Variants in TP53BP2 observed in about 807,000 individuals in gnomAD.
TP53BP2 encodes the protein apoptosis-stimulating of p53 protein 2.
A neutral mutation model predicts 126.2 loss-of-function variants in TP53BP2; 62 were observed. That is an observed-to-expected ratio of 0.49 (90% CI 0.40 to 0.61). The LOEUF (loss-of-function observed/expected upper bound fraction) is 0.61, where lower values mean the gene tolerates loss of function less well. TP53BP2 is among the 20% of genes least tolerant of loss of function. The pLI, the probability that TP53BP2 is intolerant of heterozygous loss-of-function variation, is 0.00. For synonymous variants in TP53BP2, 485 were observed against 502.9 expected, an observed-to-expected ratio of 0.96 and a Z score of 0.48; for missense variants, 1,215 against 1,402.8, an observed-to-expected ratio of 0.87 and a Z score of 2.14.
intron 2 of TP53BP2, among the ~76,000 whole-genome samples, chr1:223,817,956 A>T (rs1558102949): frequency 6.6e-6 from 1 of 151,862 alleles, no homozygotes; most frequent in Non-Finnish European, 1.5e-5. Context: ...ACAGATTTAC[A>T]CATACTAATC....
rs1287261649 is a variant in TP53BP2, at chr1:223,780,597, C to T, written c.*256G>A. Reference sequence around the variant, plus strand: ...TAGAAAACAGGATTGTCGCTGTATACTTATCTGAGTGCTACACGGGACACC... The same window carrying T: ...TAGAAAACAGGATTGTCGCTGTATATTTATCTGAGTGCTACACGGGACACC... On this transcript the variant is annotated 3_prime_UTR_variant, in exon 18 of 18. Coordinates refer to ENST00000343537, the MANE Select transcript of TP53BP2 (RefSeq NM_001031685.3). The T allele has an allele frequency of 1.5e-5, 7 of 451,670 alleles. No homozygotes were observed. The highest frequency in any genetic ancestry group is 2.8e-5 in the Non-Finnish European group (7 of 253,080). The allele number at this position is 451,670 out of a possible 1,614,324, so 28.0% of individuals were successfully genotyped here.
rs74634345 is a variant in TP53BP2, at chr1:223,780,549, C to G, written c.*304G>C. 1,173 of 274,964 alleles carry G rather than the reference C, an allele frequency of 4.3e-3. 24 individuals carry two copies. Among genetic ancestry groups the G allele is most frequent in the African/African-American group, 0.024 (1,096 of 45,204 alleles). The allele number at this position is 274,964 out of a possible 1,614,324, so 17.0% of individuals were successfully genotyped here. A position where few individuals can be genotyped will look rare whatever the true frequency, so the allele number is the denominator to read the frequency against. On this transcript the variant is annotated 3_prime_UTR_variant, in exon 18 of 18. Coordinates refer to ENST00000343537, the MANE Select transcript of TP53BP2 (RefSeq NM_001031685.3). ...TTTCCCAACTGCCCAATAAATGATC[C>G]TATTTACTAGACAGGATTCTTGTAG...
chr1:223,817,830 G>A (rs532999160), intron 2 of TP53BP2, among the ~76,000 whole-genome samples: 4 of 151,840 alleles, frequency 2.6e-5, no homozygotes, highest in African/African-American at 9.7e-5. Flanking sequence ...GGGGGCTGAG[G>A]CAGCAGAATC....
Position 223,780,580 on chromosome 1 carries a change from A to G in TP53BP2, c.*273T>C, listed in dbSNP as rs1661734717. The stretch of plus-strand genomic sequence containing the variant: ...ACTAGACAGGATTCTTGTAGAAAAC[A>G]GGATTGTCGCTGTATACTTATCTGA... On this transcript the variant is annotated 3_prime_UTR_variant, in exon 18 of 18. Coordinates refer to ENST00000343537, the MANE Select transcript of TP53BP2 (RefSeq NM_001031685.3). The G allele has an allele frequency of 5.5e-6, 2 of 364,628 alleles. No homozygotes were observed. The highest frequency in any genetic ancestry group is 8.8e-5 in the Admixed American group (2 of 22,648). The allele number at this position is 364,628 out of a possible 1,614,324, so 22.6% of individuals were successfully genotyped here. A position where few individuals can be genotyped will look rare whatever the true frequency, so the allele number is the denominator to read the frequency against.
chr1:223,800,303 T>C (rs1177092836), intron 10 of TP53BP2, among the ~76,000 whole-genome samples: 1 of 152,146 alleles, frequency 6.6e-6, no homozygotes, highest in African/African-American at 2.4e-5. Flanking sequence ...AAATGATTTA[T>C]CAGGCGGGTG....
At chr1:223,798,135 T>C (rs1662396508) in intron 12 of TP53BP2, 80 bp downstream of exon 12, 3 of 1,357,162 alleles carry the variant, frequency 2.2e-6, no homozygotes, top group Non-Finnish European at 3.0e-6. Flanking sequence ...AGGGATTAGT[T>C]ATTTTGCTGT....
At chr1:223,787,059 C>T (rs1352160331) in intron 16 of TP53BP2, among the ~76,000 whole-genome samples, 2 of 151,938 alleles carry the variant, frequency 1.3e-5, no homozygotes, top group African/African-American at 4.8e-5. Context: ...CCACAGCTGG[C>T]TAATTTTTGT....
In TP53BP2 at chr1:223,796,373, A is replaced by G; in HGVS notation, c.2166T>C (p.Ala722=). 6.2e-7 allele frequency: 1 copy of G among 1,614,224 alleles called. No individual in the cohort carries two copies. Among genetic ancestry groups the G allele is most frequent in the Non-Finnish European group, 8.5e-7 (1 of 1,180,026 alleles). Residue 722 remains alanine (A), a synonymous_variant, in exon 13 of 18, where the codon GCT becomes GCC. Coordinates refer to ENST00000343537, the MANE Select transcript of TP53BP2 (RefSeq NM_001031685.3). The surrounding 1 kb of genome is among the most constrained non-coding windows in gnomAD (Gnocchi z 4.2). The part of the protein sequence containing the change: ...LSNPYRNQSD[A]DLEALRKKLS... ...GTTTCTTTCGTAAGGCTTCTAGGTCAGCATCACTCTGGTTTCGGTAAGGAT... is the reference window on the plus strand; with the variant it reads ...GTTTCTTTCGTAAGGCTTCTAGGTCGGCATCACTCTGGTTTCGGTAAGGAT...
intron 9 of TP53BP2, among the ~76,000 whole-genome samples, chr1:223,801,466 G>A (rs1662525521): frequency 6.6e-6 from 1 of 152,030 alleles, no homozygotes; most frequent in Non-Finnish European, 1.5e-5. Flanking sequence ...TTCTGTCCAG[G>A]GGTCTGAATG....
chr1:223,821,273 C>T lies in TP53BP2; in HGVS notation c.122G>A (p.Cys41Tyr), dbSNP rs768807393. The change falls in exon 2 of 18, where the codon TGC (cysteine) becomes TAC (tyrosine). Residue 41 changes from cysteine to tyrosine, a missense_variant. Physicochemically the swap from Cys to Tyr is radical, Grantham distance 194 (BLOSUM62 -2). Transcript: ENST00000343537. The part of the protein sequence containing the change: ...ETICRDVVDL[C>Y]KEPGESDCHL... ...GCAATCACTCTCGCCGGGTTCTTTG[C>T]ACAGATCCACCACGTCTCTGCATAT... 3 of 1,614,070 alleles carry T rather than the reference C, an allele frequency of 1.9e-6. No homozygotes were observed. In the South Asian group the frequency reaches 3.3e-5, roughly 18 times the overall value.
chr1:223,794,356 A>G (rs1216200124), intron 13 of TP53BP2, among the ~76,000 whole-genome samples: 2 of 152,238 alleles, frequency 1.3e-5, no homozygotes, highest in African/African-American at 4.8e-5. Flanking sequence ...CACAATGTGC[A>G]ATGACTAAAA....
rs577516805 is a variant in TP53BP2, at chr1:223,825,679, CTA to C, written c.28-4314_28-4313del. Among the ~76,000 whole-genome samples, 31 of 152,286 alleles carry C rather than the reference CTA, an allele frequency of 2.0e-4. No homozygotes were observed. The East Asian group carries it at 6.0e-3, about 29-fold the overall frequency. The stretch of plus-strand genomic sequence containing the variant: ...TCATTCAGTATTTACAGATCATCTG[CTA>C]TATGTCTCTGTTCTAATGTAAAAAT... On this transcript the variant is annotated intron_variant, in intron 1 of 17. Coordinates refer to ENST00000343537, the MANE Select transcript of TP53BP2 (RefSeq NM_001031685.3).
At chr1:223,839,300 C>A (rs1374434496) in intron 1 of TP53BP2, among the ~76,000 whole-genome samples, 2 of 152,156 alleles carry the variant, frequency 1.3e-5, no homozygotes, top group Non-Finnish European at 2.9e-5. Context: ...AGATCAACTT[C>A]AGAGTGTAAT....
chr1:223,842,059 C>G (rs1304397742), intron 1 of TP53BP2, among the ~76,000 whole-genome samples: 2 of 152,042 alleles, frequency 1.3e-5, no homozygotes, highest in African/African-American at 2.4e-5. Flanking sequence ...CCTGCCTCAG[C>G]CTCCTGAGTA....
chr1:223,837,329 C>G (rs974517394), intron 1 of TP53BP2, among the ~76,000 whole-genome samples: 1 of 152,060 alleles, frequency 6.6e-6, no homozygotes, highest in Non-Finnish European at 1.5e-5. Flanking sequence ...TGACAGAAGG[C>G]TTTTTCTCAA....
intron 1 of TP53BP2, among the ~76,000 whole-genome samples, chr1:223,829,690 G>C (rs1238215358): frequency 6.7e-6 from 1 of 149,756 alleles, no homozygotes; most frequent in Non-Finnish European, 1.5e-5. Context: ...GCCAACTTTT[G>C]AGGTAAATTG....
chr1:223,788,906 C>T, intron 16 of TP53BP2, 102 bp downstream of exon 16: 1 of 1,271,068 alleles, frequency 7.9e-7, no homozygotes, highest in East Asian at 2.4e-5. Flanking sequence ...CTATGGATAA[C>T]ACAAGATTTT....
intron 2 of TP53BP2, among the ~76,000 whole-genome samples, chr1:223,819,969 A>G (rs775360122): frequency 2.2e-4 from 34 of 152,342 alleles, no homozygotes; most frequent in Middle Eastern, 3.4e-3. Flanking sequence ...GCAATAAACT[A>G]ATAAACACAC....
chr1:223,816,796 T>TGTGG (rs1275339308), intron 2 of TP53BP2, among the ~76,000 whole-genome samples: 1 of 151,902 alleles, frequency 6.6e-6, no homozygotes, highest in African/African-American at 2.4e-5. Context: ...ATAGTAACCT[T>TGTGG]TTTACTACCT....
Sources: gnomAD v4.1 joint callset for allele counts (sites outside exome capture counted in the v4.1 genomes callset) on GRCh38, gnomAD v4.1.1 for gene constraint, Gnocchi (gnomAD v3.1) non-coding constraint, MANE v1.5 for transcripts, NCBI Gene and HGNC (gene_info 2026-07-23, HGNC 2026-07-21) for gene names.